The following ANKFN1 variants were observed in gnomAD, a reference collection of about 807,000 sequenced individuals.
ANKFN1 encodes the protein ankyrin repeat and fibronectin type III domain containing 1.
ANKFN1 carries 74 observed loss-of-function variants against 108.7 expected under a neutral mutation model. The observed-to-expected ratio is 0.68, with a 90% CI of 0.56 to 0.83. ANKFN1 has a LOEUF of 0.83. Ranked by LOEUF, ANKFN1 falls within the 40% of genes least tolerant of loss-of-function variation. ANKFN1 has a pLI of 0.00. For missense variants in ANKFN1, 1,505 were observed against 1,382.3 expected (o/e 1.09, Z -1.41); for synonymous variants, 547 against 516.2 (o/e 1.06, Z -0.81).
intron 19 of ANKFN1, among the ~76,000 whole-genome samples, chr17:56,494,202 C>T (rs944782491): frequency 3.9e-5 from 6 of 152,070 alleles, no homozygotes; most frequent in East Asian, 1.9e-4. Context: ...TTCCTCATCC[C>T]GTGAATGAGA....
intron 15 of ANKFN1, among the ~76,000 whole-genome samples, chr17:56,467,484 A>C (rs925633377): frequency 2.0e-5 from 3 of 151,952 alleles, no homozygotes; most frequent in African/African-American, 7.3e-5. Flanking sequence ...GTTCAAGACC[A>C]ACCTGGCCAA....
intron 3 of ANKFN1, among the ~76,000 whole-genome samples, chr17:56,285,843 T>C (rs2044201716): frequency 1.9e-5 from 2 of 103,336 alleles, no homozygotes; most frequent in Non-Finnish European, 3.7e-5. Flanking sequence ...ACAATGATGA[T>C]GATGATGATG....
Position 56,187,924 on chromosome 17 carries a change from G to T in ANKFN1, c.-70-24674G>T, listed in dbSNP as rs1658358003. On this transcript the variant is annotated intron_variant, in intron 1 of 20. Coordinates refer to ENST00000682825, the MANE Select transcript of ANKFN1 (RefSeq NM_001370326.1). Reference sequence around the variant, plus strand: ...AGGTTGGGGAACATGACACACCGGGGCCTGTCGTGGGGTAGGGGGTGGGGG... The same window carrying T: ...AGGTTGGGGAACATGACACACCGGGTCCTGTCGTGGGGTAGGGGGTGGGGG... Among the ~76,000 whole-genome samples the T allele has an allele frequency of 2.0e-5, 3 of 151,214 alleles. No homozygotes were observed. The South Asian group carries it at 6.3e-4, about 32-fold the overall frequency.
chr17:56,232,812 C>T (rs1362120908), intron 3 of ANKFN1, among the ~76,000 whole-genome samples: 2 of 152,096 alleles, frequency 1.3e-5, no homozygotes, highest in African/African-American at 4.8e-5. Flanking sequence ...AGACTGGGAC[C>T]TATCTTTAGG....
chr17:56,338,775 CAG>C (rs1440307943), intron 4 of ANKFN1, among the ~76,000 whole-genome samples: 1 of 151,870 alleles, frequency 6.6e-6, no homozygotes, highest in Non-Finnish European at 1.5e-5. Flanking sequence ...TGCATTCAAA[CAG>C]AAGAACAGAG....
At chr17:56,197,657 G>C (rs1223932650) in intron 1 of ANKFN1, among the ~76,000 whole-genome samples, 1 of 152,182 alleles carries the variant, frequency 6.6e-6, no homozygotes, top group Non-Finnish European at 1.5e-5. Context: ...TCTCTCCTCA[G>C]TTAGCAAATG....
intron 1 of ANKFN1, among the ~76,000 whole-genome samples, chr17:56,156,324 G>A (rs1478172323): frequency 6.6e-6 from 1 of 152,122 alleles, no homozygotes; most frequent in Non-Finnish European, 1.5e-5. Context: ...CTGGCCTCAA[G>A]TGGTCCACCC....
At chr17:56,250,445 T>C (rs1208512812) in intron 3 of ANKFN1, among the ~76,000 whole-genome samples, 1 of 152,228 alleles carries the variant, frequency 6.6e-6, no homozygotes, top group Non-Finnish European at 1.5e-5. Flanking sequence ...TTATCCTTCT[T>C]TAACTGACAT....
Position 56,366,764 on chromosome 17 carries a change from C to T in ANKFN1, c.602-5882C>T, listed in dbSNP as rs533567339. Among the ~76,000 whole-genome samples, 6 of 152,264 alleles carry T rather than the reference C, an allele frequency of 3.9e-5. No homozygotes were observed. In the South Asian group the frequency reaches 8.3e-4, roughly 21 times the overall value. ...GAGTCTGGCTGTGTGGTAGGCTATG[C>T]CTGCTAGATTTGTGTAAGTATACTC... On this transcript the variant is annotated intron_variant, in intron 6 of 20. Coordinates refer to ENST00000682825, the MANE Select transcript of ANKFN1 (RefSeq NM_001370326.1).
At chr17:56,377,439 C>A (rs895635713) in intron 8 of ANKFN1, among the ~76,000 whole-genome samples, 1 of 139,654 alleles carries the variant, frequency 7.2e-6, no homozygotes, top group Non-Finnish European at 1.6e-5. Context: ...TTCAGTGAGA[C>A]CCACATGATT....
At chr17:56,109,899 C>T (rs1905863161) in intron 4 of ANKFN1, among the ~76,000 whole-genome samples, 1 of 152,204 alleles carries the variant, frequency 6.6e-6, no homozygotes, top group Admixed American at 6.5e-5. Context: ...GAACACAATG[C>T]AGGGCTGGCC....
chr17:56,347,685 A>T (rs548580490), intron 4 of ANKFN1, among the ~76,000 whole-genome samples: 1 of 152,126 alleles, frequency 6.6e-6, no homozygotes, highest in African/African-American at 2.4e-5. Context: ...AAAAGAAAAC[A>T]TAATGATAGA....
chr17:56,304,346 T>C (rs2044756936), intron 3 of ANKFN1, among the ~76,000 whole-genome samples: 1 of 152,230 alleles, frequency 6.6e-6, no homozygotes, highest in Non-Finnish European at 1.5e-5. Flanking sequence ...TATTGCTAGG[T>C]AATATTCTAT....
chr17:56,467,799 A>AAAGAAAG (rs2050159917), intron 15 of ANKFN1, among the ~76,000 whole-genome samples: 17 of 20,118 alleles, frequency 8.5e-4, no homozygotes, highest in South Asian at 3.9e-3. Flanking sequence ...AAGAAGAAAG[A>AAAGAAAG]AAGAAAGAAA....
At chr17:56,407,010 AG>A (rs1374274916) in intron 8 of ANKFN1, among the ~76,000 whole-genome samples, 1 of 151,852 alleles carries the variant, frequency 6.6e-6, no homozygotes, top group African/African-American at 2.4e-5. Flanking sequence ...GCATGGGGCC[AG>A]GTATAAATAG....
intron 1 of ANKFN1, among the ~76,000 whole-genome samples, 93 bp from the exon 2 acceptor site, chr17:56,212,505 T>C (rs1915091749): frequency 6.6e-6 from 1 of 152,196 alleles, no homozygotes; most frequent in Admixed American, 6.5e-5. Context: ...GTTTTCTCTT[T>C]TTGCTATGTT....
chr17:56,481,908 G>T (rs918802814), intron 17 of ANKFN1, among the ~76,000 whole-genome samples: 2 of 151,744 alleles, frequency 1.3e-5, no homozygotes, highest in Non-Finnish European at 2.9e-5. Context: ...ACATATACAT[G>T]TTGGGAGAAG....
intron 9 of ANKFN1, among the ~76,000 whole-genome samples, chr17:56,442,483 G>T (rs946135285): frequency 2.0e-5 from 3 of 152,166 alleles, no homozygotes; most frequent in Non-Finnish European, 4.4e-5. Flanking sequence ...ATGTGAGAGT[G>T]GGAATTGCTA....
chr17:56,498,799 G>A (rs1484246461), intron 19 of ANKFN1, 83 bp from the exon 20 acceptor site: 53 of 1,154,724 alleles, frequency 4.6e-5, no homozygotes, highest in Non-Finnish European at 6.5e-5. Flanking sequence ...GCGGAAAATG[G>A]ATCATCTTGG....
Sources: gnomAD v4.1 joint callset for allele counts (sites outside exome capture counted in the v4.1 genomes callset) on GRCh38, gnomAD v4.1.1 for gene constraint, MANE v1.5 for transcripts, NCBI Gene and HGNC (gene_info 2026-07-23, HGNC 2026-07-21) for gene names.